The following DCAKD variants were observed in gnomAD, a reference collection of about 807,000 sequenced individuals.
The protein encoded by DCAKD is dephospho-CoA kinase domain containing.
Under a neutral mutation model 18.7 loss-of-function variants are expected in DCAKD, and 15 were observed. The ratio of observed to expected loss-of-function variants is 0.80; its 90% confidence interval spans 0.54 to 1.24. The LOEUF (loss-of-function observed/expected upper bound fraction) is 1.24. Ranked by LOEUF, DCAKD falls within the 50% of genes most tolerant of loss-of-function variation. The pLI is 0.00. For synonymous variants in DCAKD, 130 were observed against 133.0 expected, an observed-to-expected ratio of 0.98 and a Z score of 0.16; for missense variants, 301 against 322.0, an observed-to-expected ratio of 0.93 and a Z score of 0.50.
At chr17:45,037,283 C>T (rs1043971287) in intron 1 of DCAKD, among the ~76,000 whole-genome samples, 1 of 152,012 alleles carries the variant, frequency 6.6e-6, no homozygotes, top group Non-Finnish European at 1.5e-5. Context: ...CTGGGCAATA[C>T]AGCAAGGCTC....
chr17:45,047,913 G>GAAAT (rs1384325221), intron 1 of DCAKD, among the ~76,000 whole-genome samples: 1 of 152,180 alleles, frequency 6.6e-6, no homozygotes, highest in East Asian at 1.9e-4. Flanking sequence ...CTTATTAAGA[G>GAAAT]AAATACTCAA....
Position 45,024,670 on chromosome 17 carries a change from C to T in DCAKD, c.459G>A (p.Lys153=). 1 of 1,607,842 alleles carries T rather than the reference C, an allele frequency of 6.2e-7. No homozygotes were observed. The highest frequency in any genetic ancestry group is 8.5e-7 in the Non-Finnish European group (1 of 1,175,344). ...RLMRRNSLNR[K]DAEARINAQL... ...GGGCATTGATGCGGGCCTCTGCGTC[C>T]TTGCGGTTCAGGCTGTTCCGCCGCA... The change falls in exon 5 of 5, where the codon AAG becomes AAA. Residue 153 remains lysine (K), a synonymous_variant. Transcript: ENST00000651974.
chr17:45,043,768 A>G (rs1402759585), intron 1 of DCAKD, among the ~76,000 whole-genome samples: 1 of 152,032 alleles, frequency 6.6e-6, no homozygotes. Flanking sequence ...TTTCTATACA[A>G]TTCTGGGTTT....
intron 1 of DCAKD, among the ~76,000 whole-genome samples, chr17:45,044,096 C>A (rs1039446384): frequency 6.6e-6 from 1 of 152,122 alleles, no homozygotes; most frequent in Non-Finnish European, 1.5e-5. Context: ...TCATGTCAGG[C>A]CTCTGCTCAC....
At chr17:45,056,095 C>T (rs2053776362), upstream of DCAKD, among the ~76,000 whole-genome samples, 1 of 149,102 alleles carries the variant, frequency 6.7e-6, no homozygotes, top group African/African-American at 2.5e-5. Flanking sequence ...GCAGAGGTTG[C>T]AGTGAGGAGA....
intron 1 of DCAKD, among the ~76,000 whole-genome samples, chr17:45,045,731 CAAAAA>C (rs759264562): frequency 2.8e-5 from 2 of 70,612 alleles, no homozygotes; most frequent in Admixed American, 1.5e-4. Context: ...GACTCTGTCT[CAAAAA>C]AAAAAAAAAA....
At chr17:45,054,923 A>G (rs1173290457), upstream of DCAKD, among the ~76,000 whole-genome samples, 3 of 152,128 alleles carry the variant, frequency 2.0e-5, no homozygotes, top group Admixed American at 2.0e-4. Context: ...CAGTATTATA[A>G]CTATTCATGT....
intron 1 of DCAKD, among the ~76,000 whole-genome samples, chr17:45,039,959 G>A (rs1278740557): frequency 1.3e-5 from 2 of 152,132 alleles, no homozygotes; most frequent in African/African-American, 4.8e-5. Flanking sequence ...TGGGCGTGGT[G>A]GTGCATGCCT....
chr17:45,057,679 G>A (rs1281740726), intron 1 of DCAKD, among the ~76,000 whole-genome samples: 1 of 149,948 alleles, frequency 6.7e-6, no homozygotes, highest in Non-Finnish European at 1.5e-5. Flanking sequence ...CTCCAGCCTG[G>A]GCAACAGAGT....
rs2053235778 is a variant in DCAKD, at chr17:45,034,218, C to A, written c.285G>T (p.Met95Ile). The part of the protein sequence containing the change: ...AITHPEIRKE[M>I]MKETFKYFLR... ...GGAAGTACTTGAACGTCTCCTTCAT[C>A]ATCTCCTTGCGAATCTCGGGGTGGG... is the stretch of plus-strand genomic sequence containing the variant. Residue 95 changes from methionine to isoleucine, a missense_variant, in exon 3 of 5, where the codon ATG (methionine) becomes ATT (isoleucine). By Grantham distance (10) the Met-to-Ile change is conservative. Transcript: ENST00000651974. 1.9e-6 allele frequency: 3 copies of A among 1,613,958 alleles called. No individual in the cohort carries two copies. Among genetic ancestry groups the A allele is most frequent in the African/African-American group, 1.3e-5 (1 of 74,884 alleles).
intron 1 of DCAKD, among the ~76,000 whole-genome samples, chr17:45,039,725 C>T (rs886818786): frequency 1.3e-5 from 2 of 152,218 alleles, no homozygotes; most frequent in African/African-American, 4.8e-5. Context: ...AGTTTCAGTG[C>T]CAAGAACGGT....
chr17:45,053,169 TAAAAAAAAAA>T (rs760029893), upstream of DCAKD, among the ~76,000 whole-genome samples: 1,519 of 75,728 alleles, frequency 0.02, 43 homozygotes, highest in African/African-American at 0.075. Context: ...TGTCTCCAGT[TAAAAAAAAAA>T]AAAAAAAAAA....
intron 1 of DCAKD, among the ~76,000 whole-genome samples, chr17:45,037,204 G>A (rs939423989): frequency 1.8e-4 from 28 of 152,180 alleles, no homozygotes; most frequent in African/African-American, 6.7e-4. Flanking sequence ...CGGTGTTCAC[G>A]CCTGTAATCC....
At chr17:45,046,509 G>A (rs561531760) in intron 1 of DCAKD, among the ~76,000 whole-genome samples, 3 of 151,780 alleles carry the variant, frequency 2.0e-5, no homozygotes, top group East Asian at 1.9e-4. Flanking sequence ...CCAGCTACTC[G>A]GGAGGCTGAG....
exon 1 of DCAKD, chr17:45,060,953 G>A: frequency 1.1e-6 from 1 of 947,748 alleles, no homozygotes; most frequent in Non-Finnish European, 1.3e-6. Context: ...CACTGGCAAG[G>A]GCAGGCTGAA....
intron 1 of DCAKD, among the ~76,000 whole-genome samples, chr17:45,044,056 C>T (rs935732934): frequency 1.3e-5 from 2 of 152,134 alleles, no homozygotes; most frequent in East Asian, 3.9e-4. Flanking sequence ...AACAAAGCAG[C>T]TAGTGTGATC....
In DCAKD at chr17:45,061,024, C is replaced by T. The variant is rs144340486; in HGVS notation, c.-254G>A. On this transcript the variant is annotated 5_prime_UTR_variant, in exon 1 of 5. Transcript: ENST00000310604. ...ACCCTAAACCAGCATCGAACTACAA[C>T]TCCCATCATGCCAGGCGGCCGCCCG... 33 of 1,161,620 alleles carry T rather than the reference C, an allele frequency of 2.8e-5. No individual in the cohort carries two copies. The East Asian group carries it at 1.6e-3, about 56-fold the overall frequency. 72.0% of individuals were successfully genotyped at this position (1,161,620 alleles called of 1,614,324 possible). A position where few individuals can be genotyped will look rare whatever the true frequency, so the allele number is the denominator to read the frequency against.
upstream of DCAKD, among the ~76,000 whole-genome samples, chr17:45,056,258 A>G (rs1000294772): frequency 3.3e-5 from 5 of 152,120 alleles, no homozygotes; most frequent in African/African-American, 4.8e-5. Flanking sequence ...TGGTTATCAT[A>G]CCAGTAATGC....
intron 1 of DCAKD, among the ~76,000 whole-genome samples, chr17:45,045,960 G>A (rs2053558318): frequency 6.6e-6 from 1 of 151,708 alleles, no homozygotes; most frequent in Middle Eastern, 3.2e-3. Flanking sequence ...CGAGTAGCTG[G>A]ATTACAGCCA....
Sources: allele counts gnomAD v4.1 joint callset (sites outside exome capture counted in the v4.1 genomes callset), GRCh38; gene constraint gnomAD v4.1.1; transcripts MANE v1.5; gene names NCBI Gene and HGNC (gene_info 2026-07-23, HGNC 2026-07-21).